The following DENND11 variants were observed in gnomAD, a reference collection of about 807,000 sequenced individuals.
The protein encoded by DENND11 is DENN domain containing 11.
DENND11 carries 34 observed loss-of-function variants against 49.2 expected under a neutral mutation model. The observed-to-expected ratio is 0.69, with a 90% CI of 0.53 to 0.92. DENND11 has a LOEUF of 0.92. DENND11 is among the 40% of genes least tolerant of loss of function. The pLI is 0.00. For missense variants in DENND11, 475 were observed against 581.6 expected (o/e 0.82, Z 1.88); for synonymous variants, 238 against 230.3 (o/e 1.03, Z -0.30).
At chr7:141,701,782 G>T (rs1007650737) in intron 1 of DENND11, 104 bp downstream of exon 1, 255 of 965,314 alleles carry the variant, frequency 2.6e-4, no homozygotes, top group Non-Finnish European at 3.2e-4. Context: ...CGGGGTGCGG[G>T]GCCGGGAGGG....
Position 141,660,409 on chromosome 7 carries a change from A to C in DENND11, c.*2247T>G, listed in dbSNP as rs1797770851. On this transcript the variant is annotated 3_prime_UTR_variant, in exon 9 of 9. Coordinates refer to ENST00000536163, the MANE Select transcript of DENND11 (RefSeq NM_001080392.2). ...AGGAGGGTGGACACGTGGAGATGTGAGACAGAAAGCTACCGAGACAAGCAC... is the reference window on the plus strand; with the variant it reads ...AGGAGGGTGGACACGTGGAGATGTGCGACAGAAAGCTACCGAGACAAGCAC... The C allele has an allele frequency of 6.6e-6, 1 of 152,180 alleles. No individual in the cohort carries two copies. The highest frequency in any genetic ancestry group is 1.5e-5 in the Non-Finnish European group (1 of 68,058). The allele number at this position is 152,180 out of a possible 1,614,324, so 9.4% of individuals were successfully genotyped here.
At chr7:141,673,486 G>T (rs988694018) in intron 4 of DENND11, among the ~76,000 whole-genome samples, 7 of 152,110 alleles carry the variant, frequency 4.6e-5, no homozygotes, top group Non-Finnish European at 8.8e-5. Flanking sequence ...TTGGACTCTT[G>T]GCATAATTTC....
intron 4 of DENND11, among the ~76,000 whole-genome samples, chr7:141,671,489 G>A (rs1184934904): frequency 1.3e-5 from 2 of 151,584 alleles, no homozygotes; most frequent in Non-Finnish European, 2.9e-5. Flanking sequence ...TTTTTATTTT[G>A]ATGTGCTGAC....
chr7:141,674,726 G>A (rs1055608688), intron 3 of DENND11, among the ~76,000 whole-genome samples: 5 of 152,082 alleles, frequency 3.3e-5, no homozygotes, highest in Admixed American at 2.6e-4. Flanking sequence ...AATTATTATT[G>A]GATGTCATCA....
At position 141,657,971 on chromosome 7, in the gene DENND11, T is replaced by C. The variant is rs1293571374; in HGVS notation, c.*4685A>G. 6.6e-6 allele frequency: 1 copy of C among 152,602 alleles called. No individual in the cohort carries two copies. Among genetic ancestry groups the C allele is most frequent in the African/African-American group, 2.4e-5 (1 of 41,470 alleles). The allele number at this position is 152,602 out of a possible 1,614,324, so 9.5% of individuals were successfully genotyped here. On this transcript the variant is annotated 3_prime_UTR_variant, in exon 9 of 9. Coordinates refer to ENST00000536163, the MANE Select transcript of DENND11 (RefSeq NM_001080392.2). ...GTACTAGAGCTTTACTGAAGGTTGG[T>C]ATTTTTATGTCAACCTTCCTAGGAC...
intron 3 of DENND11, among the ~76,000 whole-genome samples, chr7:141,685,058 A>ATATT (rs1554410137): frequency 2.6e-4 from 34 of 128,884 alleles, no homozygotes; most frequent in Non-Finnish European, 4.3e-4. Context: ...ATATATATAT[A>ATATT]TTTTTAAGTT....
intron 3 of DENND11, among the ~76,000 whole-genome samples, chr7:141,684,608 TG>T (rs1419529608): frequency 6.6e-6 from 1 of 152,196 alleles, no homozygotes; most frequent in African/African-American, 2.4e-5. Context: ...AACAAGTTCA[TG>T]GGTTCAAAGC....
At position 141,664,920 on chromosome 7, in the gene DENND11, G is replaced by C. The variant is rs550433172; in HGVS notation, c.1087C>G (p.Arg363Gly). ...TGCCACTACCTCTGCTCGTTGAGCC[G>C]GCGGTACTTCTCCCTGTCAGCACTG... Reference protein sequence around the residue: ...INSADREKYRRLNEQRQMLLY... With the variant: ...INSADREKYRGLNEQRQMLLY... Residue 363 changes from arginine to glycine, a missense_variant, in exon 7 of 9, where the codon CGG becomes GGG. Transcript: ENST00000536163. 2 of 1,612,242 alleles carry C rather than the reference G, an allele frequency of 1.2e-6. No individual in the cohort carries two copies. Among genetic ancestry groups the C allele is most frequent in the Non-Finnish European group, 1.7e-6 (2 of 1,179,220 alleles).
rs35125206 is a variant in DENND11 at position 141,674,230 on chromosome 7, A to AAC, written c.528-12_528-11dup. Reference sequence around the variant, plus strand: ...CATCTCCAACTGGTGCCTGCAGAAAAACACACACACACACACACACACACA... The same window carrying AAC: ...CATCTCCAACTGGTGCCTGCAGAAAAACACACACACACACACACACACACACA... On this transcript the variant is annotated splice_polypyrimidine_tract_variant and intron_variant, in intron 3 of 8. Coordinates refer to ENST00000536163, the MANE Select transcript of DENND11 (RefSeq NM_001080392.2). 0.15 allele frequency: 222,429 copies of AAC among 1,488,658 alleles called. 1,726 individuals are homozygous for AAC. Among genetic ancestry groups the AAC allele is most frequent in the Non-Finnish European group, 0.16 (183,035 of 1,114,614 alleles). 92.2% of individuals were successfully genotyped at this position (1,488,658 alleles called of 1,614,324 possible). A position where few individuals can be genotyped will look rare whatever the true frequency, so the allele number is the denominator to read the frequency against.
At chr7:141,683,165 G>A (rs1040731234) in intron 3 of DENND11, among the ~76,000 whole-genome samples, 4 of 151,966 alleles carry the variant, frequency 2.6e-5, no homozygotes, top group Admixed American at 6.6e-5. Context: ...ATGACAAACA[G>A]GGAAGACAAT....
chr7:141,677,708 C>T (rs1023460111), intron 3 of DENND11, among the ~76,000 whole-genome samples: 1 of 151,384 alleles, frequency 6.6e-6, no homozygotes, highest in African/African-American at 2.4e-5. Flanking sequence ...TTCTCCTTCT[C>T]GGAGTGAGGC....
intron 3 of DENND11, among the ~76,000 whole-genome samples, chr7:141,685,030 ATATATATAT>A (rs1211481934): frequency 7.4e-5 from 5 of 67,714 alleles, no homozygotes; most frequent in Non-Finnish European, 1.1e-4. Context: ...AAAAAAAAAA[ATATATATAT>A]ATATATATAT....
chr7:141,664,811 G>A, intron 7 of DENND11, 93 bp downstream of exon 7: 1 of 1,352,376 alleles, frequency 7.4e-7, no homozygotes, highest in Non-Finnish European at 1.0e-6. Flanking sequence ...AATGTGTCAG[G>A]GAAGGGGCAG....
intron 3 of DENND11, among the ~76,000 whole-genome samples, chr7:141,683,263 T>C (rs959016385): frequency 3.9e-5 from 6 of 152,002 alleles, no homozygotes; most frequent in African/African-American, 1.5e-4. Context: ...AAGAAAAAGT[T>C]CCTAAAATTA....
intron 4 of DENND11, among the ~76,000 whole-genome samples, chr7:141,669,809 ATTTTTTTT>A (rs72053527): frequency 8.6e-6 from 1 of 116,272 alleles, no homozygotes; most frequent in Non-Finnish European, 1.7e-5. Context: ...CATACATGCT[ATTTTTTTT>A]TTTTTTTTTT....
intron 3 of DENND11, among the ~76,000 whole-genome samples, chr7:141,679,633 A>C (rs1798116863): frequency 6.6e-6 from 1 of 151,888 alleles, no homozygotes; most frequent in Non-Finnish European, 1.5e-5. Context: ...AATCGCTTGA[A>C]CCTGGGAGGC....
chr7:141,687,463 ATTTT>A (rs754606947), intron 1 of DENND11, among the ~76,000 whole-genome samples: 1 of 142,052 alleles, frequency 7.0e-6, no homozygotes, highest in Non-Finnish European at 1.5e-5. Flanking sequence ...ATAAGGTGCG[ATTTT>A]TTTTTTTTTT....
Position 141,665,223 on chromosome 7 carries a change from T to G in DENND11, c.916A>C (p.Ile306Leu). ...KPFFYVNVAD[I>L]ESLEVEVSYV... ...GACACCTCTACCTCCAGGCTCTCGA[T>G]GTCAGCCACGTTCACGTAGAAGAAA... The change falls in exon 6 of 9, where the codon ATC (isoleucine) becomes CTC (leucine). Residue 306 changes from isoleucine (I) to leucine (L), a missense_variant. Ile to Leu is a conservative substitution (Grantham distance 5). Transcript: ENST00000536163. The G allele has an allele frequency of 1.2e-6, 2 of 1,613,404 alleles. No homozygotes were observed. Among genetic ancestry groups the G allele is most frequent in the Non-Finnish European group, 1.7e-6 (2 of 1,179,656 alleles).
rs1482622518 is a variant in DENND11, at chr7:141,685,030, ATATATATATAT to A, written c.527+437_527+447del. On this transcript the variant is annotated intron_variant, in intron 3 of 8. Coordinates refer to ENST00000536163, the MANE Select transcript of DENND11 (RefSeq NM_001080392.2). ...TCTCTACCAAAAAAAAAAAAAAAAA[ATATATATATAT>A]ATATATATATATATATATTTTTAAG... 5.7e-3 allele frequency among the ~76,000 whole-genome samples: 385 copies of A among 67,722 alleles called. 5 individuals carry two copies. Among genetic ancestry groups the A allele is most frequent in the African/African-American group, 0.02 (375 of 18,298 alleles). 44.4% of individuals were successfully genotyped at this position (67,722 alleles called of 152,430 possible).
Sources: allele counts gnomAD v4.1 joint callset (sites outside exome capture counted in the v4.1 genomes callset), GRCh38; gene constraint gnomAD v4.1.1; transcripts MANE v1.5; gene names NCBI Gene and HGNC (gene_info 2026-07-23, HGNC 2026-07-21).